The following GUCA1C variants were observed in gnomAD, a reference collection of about 807,000 sequenced individuals.
The protein encoded by GUCA1C is guanylate cyclase activator 1C.
Under a neutral mutation model 16.2 loss-of-function variants are expected in GUCA1C, and 15 were observed. That is an observed-to-expected ratio of 0.93 (90% CI 0.62 to 1.43). The LOEUF (loss-of-function observed/expected upper bound fraction) is 1.43, where lower values mean the gene tolerates loss of function less well. Ranked by LOEUF, GUCA1C falls within the 40% of genes most tolerant of loss-of-function variation. The pLI is 0.00. For missense variants in GUCA1C, 275 were observed against 244.8 expected, an observed-to-expected ratio of 1.12 and a Z score of -0.82; for synonymous variants, 78 against 85.4, an observed-to-expected ratio of 0.91 and a Z score of 0.48.
At chr3:108,950,722 G>T (rs976027901) in intron 1 of GUCA1C, among the ~76,000 whole-genome samples, 1 of 152,092 alleles carries the variant, frequency 6.6e-6, no homozygotes, top group Non-Finnish European at 1.5e-5. Flanking sequence ...AGCCAGGTTA[G>T]AAATGGCACA....
At chr3:108,953,212 C>T (rs1051536837) in intron 1 of GUCA1C, among the ~76,000 whole-genome samples, 1 of 152,152 alleles carries the variant, frequency 6.6e-6, no homozygotes, top group African/African-American at 2.4e-5. Context: ...GTCACCAATG[C>T]ATTAAATACT....
intron 3 of GUCA1C, among the ~76,000 whole-genome samples, chr3:108,909,320 G>A (rs1054213843): frequency 1.3e-5 from 2 of 152,164 alleles, no homozygotes; most frequent in African/African-American, 4.8e-5. Flanking sequence ...CATGAGTAGG[G>A]CCCCATGTGT....
At chr3:108,932,822 G>A (rs1576551569) in intron 1 of GUCA1C, among the ~76,000 whole-genome samples, 1 of 150,178 alleles carries the variant, frequency 6.7e-6, no homozygotes, top group Non-Finnish European at 1.5e-5. Flanking sequence ...TTGGGAAGCT[G>A]AGGCAGGAGA....
intron 3 of GUCA1C, among the ~76,000 whole-genome samples, chr3:108,912,635 G>T (rs1388555982): frequency 6.7e-5 from 10 of 149,348 alleles, no homozygotes; most frequent in Non-Finnish European, 1.0e-4. Flanking sequence ...TTTCCCAAAG[G>T]TAATTAACTC....
chr3:108,908,139 C>T lies in GUCA1C; in HGVS notation c.513G>A (p.Lys171=), dbSNP rs1946410437. ...KDQDLLEIVY[K]SFDFSNVLRV... is the part of the protein sequence containing the mutation. The stretch of plus-strand genomic sequence containing the variant: ...TCAGCACATTGGAGAAGTCGAAGCT[C>T]TTGTAAACAATCTCCAGGAGATCCT... Residue 171 remains lysine (K), a synonymous_variant, in exon 4 of 4, where the codon AAG becomes AAA. Transcript: ENST00000261047. The T allele has an allele frequency of 6.2e-7, 1 of 1,613,678 alleles. No homozygotes were observed. The highest frequency in any genetic ancestry group is 1.7e-5 in the Admixed American group (1 of 59,996).
At chr3:108,925,793 T>C (rs1048785157) in intron 1 of GUCA1C, among the ~76,000 whole-genome samples, 33 of 152,060 alleles carry the variant, frequency 2.2e-4, no homozygotes, top group African/African-American at 7.7e-4. Context: ...GTTTATAAAT[T>C]TGGGAGCTCC....
intron 1 of GUCA1C, among the ~76,000 whole-genome samples, chr3:108,929,772 C>T (rs1946651064): frequency 6.6e-6 from 1 of 152,076 alleles, no homozygotes; most frequent in South Asian, 2.1e-4. Context: ...GACAAAGTAC[C>T]AATTTTTAAT....
At chr3:108,932,986 G>A (rs1007873107) in intron 1 of GUCA1C, among the ~76,000 whole-genome samples, 1 of 149,480 alleles carries the variant, frequency 6.7e-6, no homozygotes, top group Non-Finnish European at 1.5e-5. Flanking sequence ...AATAATGGAA[G>A]GCATTTGCTT....
chr3:108,934,009 G>A (rs760042252), intron 1 of GUCA1C, among the ~76,000 whole-genome samples: 4 of 152,160 alleles, frequency 2.6e-5, no homozygotes, highest in Non-Finnish European at 5.9e-5. Context: ...CATAAAAAAT[G>A]AGTTCATGTC....
intron 1 of GUCA1C, among the ~76,000 whole-genome samples, chr3:108,939,324 C>CTTTTTTTTTT (rs549981150): frequency 0.02 from 653 of 32,892 alleles, 217 homozygotes; most frequent in African/African-American, 0.021. Flanking sequence ...TGCTTCAAGG[C>CTTTTTTTTTT]TTTTTTTTTT....
upstream of GUCA1C, chr3:108,954,026 G>A (rs185191205): frequency 2.4e-3 from 1,096 of 459,110 alleles, 5 homozygotes; most frequent in Non-Finnish European, 3.8e-3. Flanking sequence ...AAGGGAACAC[G>A]CAATATTTTA....
chr3:108,930,520 T>A (rs1446558508), intron 1 of GUCA1C, among the ~76,000 whole-genome samples: 1 of 152,228 alleles, frequency 6.6e-6, no homozygotes, highest in African/African-American at 2.4e-5. Context: ...TGTAGCATTG[T>A]TTTCTAAACT....
At chr3:108,950,089 C>T (rs143081488) in intron 1 of GUCA1C, among the ~76,000 whole-genome samples, 372 of 152,332 alleles carry the variant, frequency 2.4e-3, no homozygotes, top group African/African-American at 8.5e-3. Flanking sequence ...CTACTCTCTG[C>T]TTCTATGAGC....
At position 108,918,047 on chromosome 3, in the gene GUCA1C, A is replaced by G. The variant is rs370492134; in HGVS notation, c.355-1833T>C. On this transcript the variant is annotated intron_variant, in intron 2 of 3. Transcript: ENST00000261047. ...GTGACAGAGCGAGACTCCGTCTCAA[A>G]AAAATAAAAAAAACTCTTAAAATCC... Among the ~76,000 whole-genome samples, 41 of 151,890 alleles carry G rather than the reference A, an allele frequency of 2.7e-4. 1 individual carries two copies. The East Asian group carries it at 7.1e-3, about 26-fold the overall frequency.
intron 2 of GUCA1C, among the ~76,000 whole-genome samples, chr3:108,917,468 A>G (rs1946529224): frequency 6.6e-6 from 1 of 152,042 alleles, no homozygotes. Flanking sequence ...GGATCAGGGG[A>G]TAGGCAAGAA....
Position 108,914,010 on chromosome 3 carries a change from G to A in GUCA1C, c.442+2117C>T, listed in dbSNP as rs553411564. Among the ~76,000 whole-genome samples the A allele has an allele frequency of 1.0e-4, 15 of 149,862 alleles. 1 individual carries two copies. The East Asian group carries it at 3.0e-3, about 30-fold the overall frequency. ...GAACCCAGGAGGCGGAGGTTGCAGT[G>A]AGCCGAGATCACACCACTGCACTCC... On this transcript the variant is annotated intron_variant, in intron 3 of 3. Coordinates refer to ENST00000261047, the MANE Select transcript of GUCA1C (RefSeq NM_005459.4).
intron 1 of GUCA1C, among the ~76,000 whole-genome samples, chr3:108,952,947 A>G (rs892247440): frequency 1.3e-5 from 2 of 152,024 alleles, no homozygotes; most frequent in Non-Finnish European, 2.9e-5. Context: ...ACAGCTCCTC[A>G]GGAATGAGTA....
At chr3:108,931,755 A>T (rs1049369897) in intron 1 of GUCA1C, among the ~76,000 whole-genome samples, 1 of 152,100 alleles carries the variant, frequency 6.6e-6, no homozygotes, top group African/African-American at 2.4e-5. Flanking sequence ...GATAATTATC[A>T]CTGCAAAGGT....
intron 1 of GUCA1C, among the ~76,000 whole-genome samples, chr3:108,948,674 G>C (rs1388350949): frequency 6.6e-6 from 1 of 152,090 alleles, no homozygotes; most frequent in African/African-American, 2.4e-5. Context: ...TGGTGTTGGT[G>C]TTAAGAAGCT....
Sources: allele counts gnomAD v4.1 joint callset (sites outside exome capture counted in the v4.1 genomes callset), GRCh38; gene constraint gnomAD v4.1.1; transcripts MANE v1.5; gene names NCBI Gene and HGNC (gene_info 2026-07-23, HGNC 2026-07-21).